Variants in FMN1 observed in about 807,000 individuals in gnomAD.
FMN1 encodes the protein formin 1.
A neutral mutation model predicts 132.4 loss-of-function variants in FMN1; 110 were observed. The observed-to-expected ratio is 0.83, with a 90% confidence interval of 0.71 to 0.97. The LOEUF is 0.97. Ranked by LOEUF, FMN1 falls within the 50% of genes least tolerant of loss-of-function variation. The pLI is 0.00. For synonymous variants in FMN1, 722 were observed against 651.7 expected (o/e 1.11, Z -1.64); for missense variants, 1,792 against 1,705.3 (o/e 1.05, Z -0.90).
chr15:33,126,800 C>G (rs1043501424), intron 4 of FMN1, among the ~76,000 whole-genome samples: 1 of 152,166 alleles, frequency 6.6e-6, no homozygotes, highest in Non-Finnish European at 1.5e-5. Flanking sequence ...GCCATGAAAC[C>G]CGAACTCTTT....
chr15:33,019,066 G>A (rs1472601540), intron 6 of FMN1, among the ~76,000 whole-genome samples: 1 of 152,178 alleles, frequency 6.6e-6, no homozygotes, highest in Non-Finnish European at 1.5e-5. Flanking sequence ...GCTGGCTCCG[G>A]CAGCCTGCTT....
intron 10 of FMN1, among the ~76,000 whole-genome samples, chr15:32,921,686 T>C (rs1372934019): frequency 6.6e-6 from 1 of 151,414 alleles, no homozygotes; most frequent in African/African-American, 2.4e-5. Flanking sequence ...TTTCTTTTTT[T>C]TTTTTTCGAG....
chr15:32,951,024 T>C (rs929270750), intron 9 of FMN1, among the ~76,000 whole-genome samples: 1 of 152,146 alleles, frequency 6.6e-6, no homozygotes, highest in Non-Finnish European at 1.5e-5. Context: ...TTAAATTCTA[T>C]TCATGCATTA....
intron 5 of FMN1, among the ~76,000 whole-genome samples, chr15:33,066,185 C>A (rs2141251757): frequency 6.6e-6 from 1 of 152,336 alleles, no homozygotes; most frequent in South Asian, 2.1e-4. Context: ...CTGGGCTATA[C>A]TGCCATCTTG....
chr15:32,782,209 T>C (rs1191785396), intron 19 of FMN1, among the ~76,000 whole-genome samples: 1 of 152,242 alleles, frequency 6.6e-6, no homozygotes, highest in Non-Finnish European at 1.5e-5. Context: ...GAGCAGGATT[T>C]ATCCATATTT....
intron 6 of FMN1, among the ~76,000 whole-genome samples, chr15:33,057,977 A>C (rs909102447): frequency 6.6e-6 from 1 of 152,166 alleles, no homozygotes; most frequent in East Asian, 1.9e-4. Flanking sequence ...CTGCAAGTGA[A>C]AAGTATGATG....
chr15:32,811,727 C>A (rs983224144), intron 17 of FMN1, among the ~76,000 whole-genome samples: 2 of 150,920 alleles, frequency 1.3e-5, no homozygotes, highest in African/African-American at 4.9e-5. Flanking sequence ...TGCAGTGGTG[C>A]GATCTCGGCT....
At chr15:33,115,406 T>TG (rs1566928815) in intron 4 of FMN1, among the ~76,000 whole-genome samples, 1 of 152,120 alleles carries the variant, frequency 6.6e-6, no homozygotes, top group African/African-American at 2.4e-5. Context: ...GACTGGTATG[T>TG]GGGTTGCTTA....
chr15:33,070,263 C>A (rs192862715), intron 5 of FMN1, among the ~76,000 whole-genome samples: 2 of 151,920 alleles, frequency 1.3e-5, no homozygotes, highest in East Asian at 3.9e-4. Context: ...CCTCGGCCTC[C>A]CAAAGTGCTA....
chr15:33,115,096 C>T (rs988268498), intron 4 of FMN1, among the ~76,000 whole-genome samples: 3 of 152,182 alleles, frequency 2.0e-5, no homozygotes, highest in Non-Finnish European at 4.4e-5. Flanking sequence ...GGCACGGAAT[C>T]ATATGATACA....
Position 32,908,504 on chromosome 15 carries a change from C to T in FMN1, c.3363G>A (p.Leu1121=). ...AGTATCCTTACTGCTCAGGTTTATCCAGCAGCTTCAGTTCTTCTTCTTTGG... is the reference window on the plus strand; with the variant it reads ...AGTATCCTTACTGCTCAGGTTTATCTAGCAGCTTCAGTTCTTCTTCTTTGG... ...ETSKEEELKL[L]DKPEQFLHEL... The change falls in exon 12 of 21, where the codon CTG becomes CTA. Residue 1121 remains leucine, a synonymous_variant. Transcript: ENST00000616417. 6.2e-7 allele frequency: 1 copy of T among 1,609,652 alleles called. No homozygotes were observed. Among genetic ancestry groups the T allele is most frequent in the Non-Finnish European group, 8.5e-7 (1 of 1,176,792 alleles).
chr15:32,840,579 C>A (rs920533867), intron 17 of FMN1, among the ~76,000 whole-genome samples: 1 of 152,172 alleles, frequency 6.6e-6, no homozygotes, highest in Non-Finnish European at 1.5e-5. Context: ...TGTGGGATTC[C>A]ACACACAGGC....
intron 3 of FMN1, among the ~76,000 whole-genome samples, chr15:33,166,153 A>G (rs141752753): frequency 2.0e-5 from 3 of 152,274 alleles, no homozygotes; most frequent in East Asian, 1.9e-4. Context: ...AGATGCGGTT[A>G]TTGTCACTGT....
intron 5 of FMN1, chr15:33,066,948 G>A (rs1377133155): frequency 1.2e-6 from 2 of 1,613,806 alleles, no homozygotes; most frequent in South Asian, 1.1e-5. Context: ...TTCTGCACAG[G>A]CTGCGTCAAT....
intron 16 of FMN1, among the ~76,000 whole-genome samples, chr15:32,878,489 T>C (rs535169300): frequency 2.0e-5 from 3 of 152,226 alleles, no homozygotes; most frequent in Non-Finnish European, 4.4e-5. Context: ...GGTGTGGAGA[T>C]GGAGAGCAAT....
Position 33,109,840 on chromosome 15 carries a change from TA to T in FMN1, c.1868-20867del, listed in dbSNP as rs66923699. 4.3e-3 allele frequency among the ~76,000 whole-genome samples: 636 copies of T among 146,500 alleles called. 1 individual carries two copies. Among genetic ancestry groups the T allele is most frequent in the Middle Eastern group, 0.035 (10 of 288 alleles). ...GTATCCCCAAATCTAAAATGAAAGTTAAAAAAAAAAAATGCAAGCTCAAAGA... is the reference window on the plus strand; with the variant it reads ...GTATCCCCAAATCTAAAATGAAAGTTAAAAAAAAAAATGCAAGCTCAAAGA... On this transcript the variant is annotated intron_variant, in intron 4 of 20. Transcript: ENST00000616417.
At chr15:33,172,362 T>C (rs1483297749) in intron 3 of FMN1, among the ~76,000 whole-genome samples, 1 of 152,130 alleles carries the variant, frequency 6.6e-6, no homozygotes, top group Admixed American at 6.6e-5. Context: ...TAAATGGAGG[T>C]TCCATGATAA....
chr15:32,996,099 G>C (rs973312955), intron 7 of FMN1, among the ~76,000 whole-genome samples: 13 of 152,192 alleles, frequency 8.5e-5, no homozygotes, highest in African/African-American at 2.9e-4. Context: ...AGTTATGATA[G>C]ATAGGTCATC....
chr15:32,915,215 C>A (rs183720784), intron 10 of FMN1, among the ~76,000 whole-genome samples: 2 of 152,150 alleles, frequency 1.3e-5, no homozygotes, highest in African/African-American at 2.4e-5. Flanking sequence ...CTTACATGTA[C>A]ATAATCCCAT....
Sources: allele counts gnomAD v4.1 joint callset (sites outside exome capture counted in the v4.1 genomes callset), GRCh38; gene constraint gnomAD v4.1.1; transcripts MANE v1.5; gene names NCBI Gene and HGNC (gene_info 2026-07-23, HGNC 2026-07-21).